Variants in DLC1 observed in about 807,000 individuals in gnomAD.
The protein encoded by DLC1 is rho GTPase-activating protein 7.
In DLC1, 54 loss-of-function variants were observed where a neutral mutation model predicts 140.3. The ratio of observed to expected loss-of-function variants is 0.38; its 90% CI spans 0.31 to 0.48. The LOEUF (loss-of-function observed/expected upper bound fraction) is 0.48, where lower values mean the gene tolerates loss of function less well. Among genes scored for constraint, DLC1 ranks in the 20% least tolerant of loss-of-function variants. The pLI, the probability that DLC1 is intolerant of heterozygous loss-of-function variation, is 0.96. For missense variants in DLC1, 2,536 were observed against 1,907.0 expected, an observed-to-expected ratio of 1.33 and a Z score of -6.14; for synonymous variants, 986 against 728.1, an observed-to-expected ratio of 1.35 and a Z score of -5.70.
At chr8:13,470,742 A>G (rs1452180784) in intron 2 of DLC1, among the ~76,000 whole-genome samples, 1 of 152,210 alleles carries the variant, frequency 6.6e-6, no homozygotes, top group Non-Finnish European at 1.5e-5. Context: ...TGGATAATAG[A>G]ACTGCATGAG....
intron 1 of DLC1, among the ~76,000 whole-genome samples, chr8:13,582,067 C>T (rs544208107): frequency 1.3e-5 from 2 of 152,144 alleles, no homozygotes; most frequent in East Asian, 3.9e-4. Flanking sequence ...AAAACAAAGT[C>T]CACTCTCCCT....
At chr8:13,539,409 C>G (rs1000308284) in intron 1 of DLC1, among the ~76,000 whole-genome samples, 1 of 152,108 alleles carries the variant, frequency 6.6e-6, no homozygotes, top group Admixed American at 6.5e-5. Context: ...ATCGTGTTAG[C>G]CAAGATGGTC....
chr8:13,598,590 T>A (rs1805758763), intron 1 of DLC1, among the ~76,000 whole-genome samples: 1 of 152,130 alleles, frequency 6.6e-6, no homozygotes, highest in Non-Finnish European at 1.5e-5. Flanking sequence ...GTTACCATCC[T>A]TTGAAAGTTT....
chr8:13,412,131 T>C (rs1461369716), intron 2 of DLC1, among the ~76,000 whole-genome samples: 1 of 152,194 alleles, frequency 6.6e-6, no homozygotes, highest in African/African-American at 2.4e-5. Context: ...AAAGACAACC[T>C]AATAAAATTG....
chr8:13,168,999 A>G (rs920855233), intron 5 of DLC1, among the ~76,000 whole-genome samples: 1 of 152,240 alleles, frequency 6.6e-6, no homozygotes, highest in African/African-American at 2.4e-5. Flanking sequence ...GGTCATGGGT[A>G]TAGGAAATAT....
At chr8:13,217,034 C>T (rs1272363642) in intron 5 of DLC1, among the ~76,000 whole-genome samples, 1 of 152,100 alleles carries the variant, frequency 6.6e-6, no homozygotes, top group African/African-American at 2.4e-5. Flanking sequence ...GGTTGTGAAT[C>T]TAAGCCCCAC....
chr8:13,486,693 G>A (rs1800983519), intron 2 of DLC1, among the ~76,000 whole-genome samples: 1 of 150,888 alleles, frequency 6.6e-6, no homozygotes, highest in Non-Finnish European at 1.5e-5. Flanking sequence ...GCAAATTCTG[G>A]GTGTTTCATC....
chr8:13,255,196 C>A (rs552215079), intron 5 of DLC1, among the ~76,000 whole-genome samples: 5 of 152,118 alleles, frequency 3.3e-5, no homozygotes, highest in African/African-American at 7.2e-5. Flanking sequence ...GTCTCGAACT[C>A]CTGACCTCAA....
intron 4 of DLC1, among the ~76,000 whole-genome samples, chr8:13,371,775 T>C (rs1015374016): frequency 6.6e-6 from 1 of 152,162 alleles, no homozygotes; most frequent in Non-Finnish European, 1.5e-5. Context: ...TTAGTGTGTT[T>C]CCTGTTTAAC....
At chr8:13,446,085 T>C (rs1464843964) in intron 2 of DLC1, among the ~76,000 whole-genome samples, 1 of 152,144 alleles carries the variant, frequency 6.6e-6, no homozygotes, top group African/African-American at 2.4e-5. Context: ...TTTAGTAACA[T>C]ATCAATTACG....
intron 2 of DLC1, chr8:13,498,843 T>G: frequency 1.8e-6 from 1 of 554,902 alleles, no homozygotes; most frequent in Non-Finnish European, 3.0e-6. Flanking sequence ...ATTATACACA[T>G]TATTAGTGAA....
At chr8:13,593,747 T>A (rs903643208) in intron 1 of DLC1, among the ~76,000 whole-genome samples, 1 of 152,142 alleles carries the variant, frequency 6.6e-6, no homozygotes, top group South Asian at 2.1e-4. Context: ...GACATATGGT[T>A]ATTAGTTATA....
At chr8:13,554,189 C>T (rs1435602085) in intron 1 of DLC1, among the ~76,000 whole-genome samples, 1 of 152,118 alleles carries the variant, frequency 6.6e-6, no homozygotes, top group Non-Finnish European at 1.5e-5. Context: ...GCCTCAGCCT[C>T]CCGAGTAGCT....
intron 5 of DLC1, among the ~76,000 whole-genome samples, chr8:13,251,598 T>C: frequency 6.6e-6 from 1 of 152,292 alleles, no homozygotes; most frequent in African/African-American, 2.4e-5. Context: ...AATTTATCCA[T>C]CTATTCAAAA....
chr8:13,548,200 C>A (rs1471344920), intron 1 of DLC1, among the ~76,000 whole-genome samples: 1 of 151,970 alleles, frequency 6.6e-6, no homozygotes, highest in African/African-American at 2.4e-5. Context: ...ATTGTTAGTT[C>A]TTCAAGTTAA....
intron 5 of DLC1, among the ~76,000 whole-genome samples, chr8:13,118,130 C>A (rs998503331): frequency 2.6e-5 from 4 of 151,750 alleles, no homozygotes; most frequent in African/African-American, 9.7e-5. Context: ...CCACCTCCGC[C>A]TCCCAAGTAG....
rs532507171 is a variant in DLC1, at chr8:13,102,707, A to G, written c.1566+83T>C. ...GAACAACAAACTAAGAGTTGGAGAA[A>G]CAAAACCTATTACAAAACACATCAT... On this transcript the variant is annotated intron_variant, in intron 8 of 17. Transcript: ENST00000276297. 2,043 of 1,261,160 alleles carry G rather than the reference A, an allele frequency of 1.6e-3. 2 individuals are homozygous for G. Among genetic ancestry groups the G allele is most frequent in the Non-Finnish European group, 2.2e-3 (1,869 of 863,268 alleles). 78.1% of individuals were successfully genotyped at this position (1,261,160 alleles called of 1,614,324 possible).
Position 13,099,887 on chromosome 8 carries a change from G to A in DLC1, c.2450C>T (p.Thr817Ile). 2 of 1,614,208 alleles carry A rather than the reference G, an allele frequency of 1.2e-6. No homozygotes were observed. The highest frequency in any genetic ancestry group is 1.7e-6 in the Non-Finnish European group (2 of 1,180,046). Reference protein sequence around the residue: ...FYIPEDHKPGTFPKALTNGSF... With the variant: ...FYIPEDHKPGIFPKALTNGSF... The stretch of plus-strand genomic sequence containing the variant: ...GCCATTGGTGAGAGCTTTGGGGAAA[G>A]TGCCAGGCTTGTGATCTTCAGGGAT... The change falls in exon 9 of 18, where the codon ACT (threonine) becomes ATT (isoleucine). Residue 817 changes from threonine (T) to isoleucine (I), a missense_variant. By Grantham distance (89) the Thr-to-Ile change is moderately conservative. Transcript: ENST00000276297.
chr8:13,456,234 C>A (rs1439032879), intron 2 of DLC1, among the ~76,000 whole-genome samples: 1 of 152,138 alleles, frequency 6.6e-6, no homozygotes, highest in Non-Finnish European at 1.5e-5. Context: ...TGTTGCATTG[C>A]TGTATGATTT....
Sources: allele counts gnomAD v4.1 joint callset (sites outside exome capture counted in the v4.1 genomes callset), GRCh38; gene constraint gnomAD v4.1.1; transcripts MANE v1.5; gene names NCBI Gene and HGNC (gene_info 2026-07-23, HGNC 2026-07-21).